Variants in GLIPR1L2 observed in about 807,000 individuals in gnomAD.
The protein encoded by GLIPR1L2 is GLIPR1 like 2.
In GLIPR1L2, 21 loss-of-function variants were observed where a neutral mutation model predicts 28.4. The observed-to-expected ratio is 0.74, with a 90% confidence interval of 0.52 to 1.06. The LOEUF (loss-of-function observed/expected upper bound fraction) is 1.06, where lower values mean the gene tolerates loss of function less well. GLIPR1L2 is among the 50% of genes least tolerant of loss of function. The pLI, the probability that GLIPR1L2 is intolerant of heterozygous loss-of-function variation, is 0.00. For synonymous variants in GLIPR1L2, 145 were observed against 139.3 expected (o/e 1.04, Z -0.29); for missense variants, 476 against 416.9 (o/e 1.14, Z -1.23).
intron 1 of GLIPR1L2, among the ~76,000 whole-genome samples, chr12:75,410,198 A>G (rs186095925): frequency 6.6e-6 from 1 of 151,866 alleles, no homozygotes; most frequent in East Asian, 1.9e-4. Context: ...CATTTCCATC[A>G]TCTAGCATTC....
At chr12:75,429,462 A>G (rs186274128) in intron 4 of GLIPR1L2, among the ~76,000 whole-genome samples, 1 of 152,174 alleles carries the variant, frequency 6.6e-6, no homozygotes, top group Non-Finnish European at 1.5e-5. Flanking sequence ...ACAAGCTTAT[A>G]GATGGAAGGG....
At chr12:75,428,528 A>T (rs12817400) in intron 4 of GLIPR1L2, among the ~76,000 whole-genome samples, 280 of 89,250 alleles carry the variant, frequency 3.1e-3, no homozygotes, top group Middle Eastern at 5.2e-3. Context: ...ATATATATAT[A>T]TTTTTTTTTC....
intron 3 of GLIPR1L2, among the ~76,000 whole-genome samples, chr12:75,416,005 G>A (rs1325890142): frequency 6.6e-6 from 1 of 152,074 alleles, no homozygotes; most frequent in Non-Finnish European, 1.5e-5. Flanking sequence ...TACCTGAGGA[G>A]TGGAGGATCT....
chr12:75,393,682 G>A (rs1244788323), intron 1 of GLIPR1L2, among the ~76,000 whole-genome samples: 1 of 151,960 alleles, frequency 6.6e-6, no homozygotes, highest in African/African-American at 2.4e-5. Flanking sequence ...TTTGGCTGTT[G>A]TGAATAATAC....
chr12:75,394,328 C>T (rs1218401743), intron 1 of GLIPR1L2, among the ~76,000 whole-genome samples: 1 of 151,980 alleles, frequency 6.6e-6, no homozygotes, highest in African/African-American at 2.4e-5. Flanking sequence ...TCCAAGAAGT[C>T]ATTGCCAAAT....
chr12:75,400,505 T>C (rs1291747842), intron 1 of GLIPR1L2, among the ~76,000 whole-genome samples: 1 of 152,140 alleles, frequency 6.6e-6, no homozygotes, highest in Non-Finnish European at 1.5e-5. Context: ...TATACGAAAA[T>C]TTAAAATAAT....
chr12:75,405,823 G>C (rs1472015598), intron 1 of GLIPR1L2, among the ~76,000 whole-genome samples: 1 of 152,032 alleles, frequency 6.6e-6, no homozygotes, highest in Admixed American at 6.6e-5. Context: ...ATGTTGCATG[G>C]TCAAAGCTGG....
At chr12:75,408,159 G>A (rs985902195) in intron 1 of GLIPR1L2, among the ~76,000 whole-genome samples, 3 of 151,924 alleles carry the variant, frequency 2.0e-5, no homozygotes, top group African/African-American at 7.2e-5. Context: ...ACCTTGTCTT[G>A]ACATATTTCA....
chr12:75,424,847 C>A (rs2046017428), intron 4 of GLIPR1L2, among the ~76,000 whole-genome samples: 2 of 152,166 alleles, frequency 1.3e-5, no homozygotes, highest in African/African-American at 4.8e-5. Context: ...CAAACTCTTG[C>A]TCTTCCTCTC....
intron 1 of GLIPR1L2, among the ~76,000 whole-genome samples, chr12:75,400,769 A>C (rs906347760): frequency 6.6e-6 from 1 of 152,162 alleles, no homozygotes; most frequent in Non-Finnish European, 1.5e-5. Context: ...TATATACAGC[A>C]AAAAAATGTA....
intron 2 of GLIPR1L2, among the ~76,000 whole-genome samples, chr12:75,413,221 G>A (rs2045888448): frequency 6.6e-6 from 1 of 151,678 alleles, no homozygotes; most frequent in Admixed American, 6.6e-5. Flanking sequence ...GGGAGGGATA[G>A]CATTAGGAGA....
chr12:75,428,419 T>C (rs7972809), intron 4 of GLIPR1L2, among the ~76,000 whole-genome samples: 48,891 of 152,064 alleles, frequency 0.32, 8,676 homozygotes, highest in East Asian at 0.46. Context: ...CAGTCTTATG[T>C]ATTCTCAAAG....
intron 4 of GLIPR1L2, among the ~76,000 whole-genome samples, chr12:75,426,543 C>A (rs1011338123): frequency 6.6e-6 from 1 of 152,208 alleles, no homozygotes; most frequent in Non-Finnish European, 1.5e-5. Context: ...TTTCCTATTT[C>A]ATTTGCATTC....
At chr12:75,417,956 A>T in intron 3 of GLIPR1L2, among the ~76,000 whole-genome samples, 1 of 152,158 alleles carries the variant, frequency 6.6e-6, no homozygotes, top group Non-Finnish European at 1.5e-5. Context: ...CTTCATTGAT[A>T]GGTAATGTTA....
At chr12:75,420,167 G>T (rs1322497622) in intron 3 of GLIPR1L2, among the ~76,000 whole-genome samples, 1 of 152,200 alleles carries the variant, frequency 6.6e-6, no homozygotes, top group African/African-American at 2.4e-5. Context: ...TTTGGCTCTT[G>T]TTCTGTGAAT....
intron 4 of GLIPR1L2, among the ~76,000 whole-genome samples, chr12:75,424,203 A>G (rs996504130): frequency 1.3e-5 from 2 of 152,146 alleles, no homozygotes. Flanking sequence ...AAGTGTTCCT[A>G]TTTCTCCACA....
At chr12:75,391,523 C>CG (rs1555230764) in intron 1 of GLIPR1L2, 173 bp downstream of exon 1, 1 of 1,531,764 alleles carries the variant, frequency 6.5e-7, no homozygotes, top group Non-Finnish European at 8.7e-7. Flanking sequence ...TGCGGACACT[C>CG]TAACACATGC....
chr12:75,409,447 C>T lies in GLIPR1L2; in HGVS notation c.235-987C>T, dbSNP rs2045838323. On this transcript the variant is annotated intron_variant, in intron 1 of 5. Coordinates refer to ENST00000550916, the MANE Select transcript of GLIPR1L2 (RefSeq NM_001270396.2). ...TTCTGGTTATTTCCAGATAGCTAGC[C>T]AGGGAACAGCATCTTATGCTATTTT... Among the ~76,000 whole-genome samples, 3 of 151,554 alleles carry T rather than the reference C, an allele frequency of 2.0e-5. No homozygotes were observed. In the South Asian group the frequency reaches 6.2e-4, roughly 31 times the overall value.
chr12:75,415,691 T>G (rs2045916691), intron 3 of GLIPR1L2, among the ~76,000 whole-genome samples: 1 of 152,114 alleles, frequency 6.6e-6, no homozygotes, highest in South Asian at 2.1e-4. Flanking sequence ...GGGACTCTTG[T>G]CCTTGTTTTC....
Sources: allele counts gnomAD v4.1 joint callset (sites outside exome capture counted in the v4.1 genomes callset), GRCh38; gene constraint gnomAD v4.1.1; transcripts MANE v1.5; gene names NCBI Gene and HGNC (gene_info 2026-07-23, HGNC 2026-07-21).